Variants in VRK2 observed in about 807,000 individuals in gnomAD.
VRK2 encodes the protein serine/threonine-protein kinase VRK2.
In VRK2, 60 loss-of-function variants were observed where a neutral mutation model predicts 57.6. The observed-to-expected ratio is 1.04, with a 90% CI of 0.85 to 1.29. The LOEUF is 1.29. VRK2 is among the 50% of genes most tolerant of loss of function. VRK2 has a pLI of 0.00. For synonymous variants in VRK2, 231 were observed against 199.2 expected, an observed-to-expected ratio of 1.16 and a Z score of -1.35; for missense variants, 705 against 588.1, an observed-to-expected ratio of 1.20 and a Z score of -2.06.
chr2:58,146,804 A>G (rs1682221339), intron 12 of VRK2, among the ~76,000 whole-genome samples: 1 of 151,878 alleles, frequency 6.6e-6, no homozygotes, highest in Non-Finnish European at 1.5e-5. Context: ...CTCAAGTCTC[A>G]CCCTTATAAT....
intron 1 of VRK2, among the ~76,000 whole-genome samples, chr2:57,945,501 T>C (rs1671235532): frequency 6.6e-6 from 1 of 152,208 alleles, no homozygotes; most frequent in African/African-American, 2.4e-5. Context: ...TCACCATACC[T>C]GTAAAGTTTG....
rs928560912 is a variant in VRK2, at chr2:58,084,953, A to G, written c.256+3A>G. On this transcript the variant is annotated splice_donor_region_variant and intron_variant, in intron 4 of 12. Transcript: ENST00000340157. ...GAGAGTTGCAAAAAAAGACTGTAGT[A>G]AGTAAAATTAGCAAAGCAAGCTACT... The G allele has an allele frequency of 2.5e-6, 4 of 1,576,196 alleles. No homozygotes were observed. The highest frequency in any genetic ancestry group is 3.4e-6 in the Non-Finnish European group (4 of 1,162,248).
chr2:58,099,054 C>G (rs1673568863), intron 7 of VRK2, among the ~76,000 whole-genome samples: 1 of 151,894 alleles, frequency 6.6e-6, no homozygotes, highest in Admixed American at 6.6e-5. Flanking sequence ...AAGGGCTGAT[C>G]TAGTATTTGG....
intron 2 of VRK2, among the ~76,000 whole-genome samples, chr2:58,027,605 C>G (rs569919708): frequency 5.3e-5 from 8 of 152,112 alleles, no homozygotes; most frequent in African/African-American, 1.9e-4. Flanking sequence ...TTTAAAAAGT[C>G]AATTATAAAG....
At chr2:58,053,436 A>G (rs892375143) in intron 2 of VRK2, among the ~76,000 whole-genome samples, 1 of 152,192 alleles carries the variant, frequency 6.6e-6, no homozygotes, top group Non-Finnish European at 1.5e-5. Flanking sequence ...CTAATTTTGT[A>G]CTTCAGAAAC....
intron 3 of VRK2, among the ~76,000 whole-genome samples, chr2:58,038,659 C>T (rs1209124580): frequency 6.6e-6 from 1 of 152,086 alleles, no homozygotes; most frequent in African/African-American, 2.4e-5. Flanking sequence ...TTTCTTTTGT[C>T]TAGTCACTTC....
intron 1 of VRK2, among the ~76,000 whole-genome samples, chr2:57,973,332 G>A (rs764202933): frequency 1.3e-5 from 2 of 151,830 alleles, no homozygotes; most frequent in Non-Finnish European, 2.9e-5. Context: ...TAAAAAGTAT[G>A]ATCTCTTATT....
At chr2:58,158,802 A>G (rs1020635900) in intron 12 of VRK2, among the ~76,000 whole-genome samples, 5 of 152,108 alleles carry the variant, frequency 3.3e-5, no homozygotes, top group Non-Finnish European at 7.4e-5. Context: ...CTTTATATTA[A>G]TATCTATTCG....
chr2:57,959,057 C>T (rs893764402), intron 1 of VRK2, among the ~76,000 whole-genome samples: 3 of 152,194 alleles, frequency 2.0e-5, no homozygotes, highest in Non-Finnish European at 2.9e-5. Flanking sequence ...AACTAAGAGG[C>T]AGGGGTCGTT....
chr2:58,072,217 C>A (rs1249403668), intron 2 of VRK2, among the ~76,000 whole-genome samples: 12 of 151,880 alleles, frequency 7.9e-5, no homozygotes, highest in Admixed American at 7.9e-4. Context: ...CATATGTGAA[C>A]AAAGATGGTT....
At chr2:58,115,024 A>C (rs1036467045) in intron 7 of VRK2, among the ~76,000 whole-genome samples, 1 of 152,176 alleles carries the variant, frequency 6.6e-6, no homozygotes, top group Non-Finnish European at 1.5e-5. Flanking sequence ...GTAGAATAGC[A>C]GATGGAACAC....
At chr2:58,002,960 C>T (rs73942273) in intron 1 of VRK2, among the ~76,000 whole-genome samples, 4,022 of 152,132 alleles carry the variant, frequency 0.026, 176 homozygotes, top group African/African-American at 0.092. Flanking sequence ...TAAATTCATG[C>T]CACTTATATA....
At chr2:58,047,720 A>G (rs1207635119) in intron 1 of VRK2, among the ~76,000 whole-genome samples, 1 of 151,540 alleles carries the variant, frequency 6.6e-6, no homozygotes, top group African/African-American at 2.4e-5. Flanking sequence ...ATAGTTCACC[A>G]TCCAAATTCC....
At chr2:58,136,104 C>T (rs1187069657) in intron 10 of VRK2, among the ~76,000 whole-genome samples, 2 of 152,302 alleles carry the variant, frequency 1.3e-5, no homozygotes, top group Middle Eastern at 3.4e-3. Context: ...CTTAAACTTA[C>T]ATTCACAGCC....
intron 2 of VRK2, among the ~76,000 whole-genome samples, chr2:58,064,419 A>C (rs1030048093): frequency 5.3e-5 from 8 of 152,152 alleles, no homozygotes; most frequent in Non-Finnish European, 1.0e-4. Context: ...ACCCTCCACA[A>C]GCAAAAAGAT....
At chr2:57,909,675 T>G (rs1669927589) in intron 1 of VRK2, among the ~76,000 whole-genome samples, 1 of 152,248 alleles carries the variant, frequency 6.6e-6, no homozygotes. Flanking sequence ...ATATTTTTCC[T>G]ATGCTATTTT....
chr2:58,068,407 T>G (rs1668917214), intron 2 of VRK2, among the ~76,000 whole-genome samples: 1 of 152,198 alleles, frequency 6.6e-6, no homozygotes, highest in African/African-American at 2.4e-5. Context: ...TTTGAGCCAT[T>G]GTTCCCCTAT....
rs1467451064 is a variant in VRK2 at position 58,136,830 on chromosome 2, ATATATCATATATAT to A, written c.856+1646_856+1659del. 2.4e-3 allele frequency among the ~76,000 whole-genome samples: 338 copies of A among 141,028 alleles called. 4 individuals are homozygous for A. The highest frequency in any genetic ancestry group is 0.015 in the Middle Eastern group (4 of 272). 92.5% of individuals were successfully genotyped at this position (141,028 alleles called of 152,430 possible). On this transcript the variant is annotated intron_variant, in intron 10 of 12. Transcript: ENST00000340157. Reference sequence around the variant, plus strand: ...GTATATATATCATATATGTGTGTATATATATCATATATATTATATCATATATATGTGTATATATA... The same window carrying A: ...GTATATATATCATATATGTGTGTATATATATCATATATATGTGTATATATA...
intron 1 of VRK2, among the ~76,000 whole-genome samples, chr2:58,020,311 T>G (rs2103670036): frequency 6.6e-6 from 1 of 152,274 alleles, no homozygotes; most frequent in East Asian, 1.9e-4. Context: ...CCTCAAGCAA[T>G]CCTCCCACCT....
Sources: gnomAD v4.1 joint callset for allele counts (sites outside exome capture counted in the v4.1 genomes callset) on GRCh38, gnomAD v4.1.1 for gene constraint, MANE v1.5 for transcripts, NCBI Gene and HGNC (gene_info 2026-07-23, HGNC 2026-07-21) for gene names.